CENPE: variants seen among roughly 807,000 people sequenced by gnomAD.
CENPE encodes centromere protein E.
In CENPE, 145 loss-of-function variants were observed where a neutral mutation model predicts 336.1. The observed-to-expected ratio is 0.43, with a 90% CI of 0.38 to 0.50. CENPE has a LOEUF of 0.50. Among genes scored for constraint, CENPE ranks in the 20% least tolerant of loss-of-function variants. The pLI, the probability that CENPE is intolerant of heterozygous loss-of-function variation, is 0.00. For missense variants in CENPE, 2,719 were observed against 3,023.3 expected, an observed-to-expected ratio of 0.90 and a Z score of 2.36; for synonymous variants, 1,013 against 984.8, an observed-to-expected ratio of 1.03 and a Z score of -0.54.
chr4:103,145,651 C>G lies in CENPE; in HGVS notation c.4444G>C (p.Ala1482Pro). ...TCTTGTTCTTTCAGGCAACAATGAG[C>G]AACTTTAAGTTCCTCTTCAGTTTCC... Reference protein sequence around the residue: ...HLETEEELKVAHCCLKEQEET... With the variant: ...HLETEEELKVPHCCLKEQEET... The change falls in exon 31 of 49, where the codon GCT becomes CCT. Residue 1482 changes from alanine (A) to proline (P), a missense_variant. By Grantham distance (27) the Ala-to-Pro change is conservative. Coordinates refer to ENST00000265148, the MANE Select transcript of CENPE (RefSeq NM_001813.3). The G allele has an allele frequency of 6.2e-7, 1 of 1,604,424 alleles. No homozygotes were observed. Among genetic ancestry groups the G allele is most frequent in the Non-Finnish European group, 8.5e-7 (1 of 1,177,492 alleles).
At chr4:103,122,767 A>C in intron 43 of CENPE, 104 bp downstream of exon 43, 1 of 839,528 alleles carries the variant, frequency 1.2e-6, no homozygotes, top group East Asian at 2.5e-5. Context: ...ATCACTTACA[A>C]AAATAAATGT....
At chr4:103,106,378 G>T (rs1025104116) in intron 48 of CENPE, 62 bp from the exon 49 acceptor site, 1 of 1,293,808 alleles carries the variant, frequency 7.7e-7, no homozygotes, top group Non-Finnish European at 1.1e-6. Context: ...ACCAAGCACA[G>T]CTGGAAGTGG....
chr4:103,116,101 C>A (rs1214943876), intron 45 of CENPE, among the ~76,000 whole-genome samples: 1 of 152,044 alleles, frequency 6.6e-6, no homozygotes, highest in African/African-American at 2.4e-5. Context: ...ATGTATAATG[C>A]TACCTATAAA....
At chr4:103,187,388 C>A (rs1164539998) in intron 8 of CENPE, among the ~76,000 whole-genome samples, 8 of 152,152 alleles carry the variant, frequency 5.3e-5, no homozygotes, top group Admixed American at 4.6e-4. Context: ...ATGTTAAGGG[C>A]AGCCAGAGAG....
intron 8 of CENPE, among the ~76,000 whole-genome samples, chr4:103,188,826 A>G (rs1185899676): frequency 3.3e-5 from 5 of 152,120 alleles, no homozygotes; most frequent in Non-Finnish European, 7.4e-5. Flanking sequence ...GACACAAAAA[A>G]CCCTTCAAAA....
intron 18 of CENPE, among the ~76,000 whole-genome samples, chr4:103,161,685 T>C (rs968133189): frequency 7.2e-5 from 11 of 152,164 alleles, no homozygotes; most frequent in Non-Finnish European, 1.5e-4. Flanking sequence ...ATATAAGCAA[T>C]GTATCATAAT....
intron 26 of CENPE, among the ~76,000 whole-genome samples, chr4:103,149,650 A>T (rs1372124672): frequency 1.3e-5 from 2 of 152,198 alleles, no homozygotes; most frequent in Non-Finnish European, 2.9e-5. Context: ...ATGTAATTGG[A>T]TTAGGATTGA....
chr4:103,108,601 T>G, intron 48 of CENPE, among the ~76,000 whole-genome samples: 1 of 152,168 alleles, frequency 6.6e-6, no homozygotes, highest in Non-Finnish European at 1.5e-5. Context: ...AAGACTTCAC[T>G]TGGGGTAAAA....
At chr4:103,136,407 T>C in intron 39 of CENPE, 48 bp from the exon 40 acceptor site, 2 of 1,297,036 alleles carry the variant, frequency 1.5e-6, no homozygotes, top group Non-Finnish European at 2.2e-6. Context: ...CATTCTAATA[T>C]CACAATAAGT....
chr4:103,185,377 T>C (rs1187599658), intron 9 of CENPE, among the ~76,000 whole-genome samples: 1 of 151,934 alleles, frequency 6.6e-6, no homozygotes, highest in Non-Finnish European at 1.5e-5. Context: ...TTCCTAGATA[T>C]CACATCTTTT....
At chr4:103,165,209 C>T (rs894824832) in intron 16 of CENPE, among the ~76,000 whole-genome samples, 9 of 152,066 alleles carry the variant, frequency 5.9e-5, no homozygotes, top group African/African-American at 2.2e-4. Flanking sequence ...TAATCCATTG[C>T]TACCATTTAA....
At chr4:103,198,079 G>C (rs1420251198) in intron 1 of CENPE, among the ~76,000 whole-genome samples, 185 bp downstream of exon 1, 2 of 152,378 alleles carry the variant, frequency 1.3e-5, no homozygotes, top group South Asian at 2.1e-4. Flanking sequence ...CAGCTGGAAA[G>C]TATCTTCTAG....
At chr4:103,165,740 T>C (rs1482180766) in intron 16 of CENPE, among the ~76,000 whole-genome samples, 1 of 152,038 alleles carries the variant, frequency 6.6e-6, no homozygotes, top group African/African-American at 2.4e-5. Context: ...TCCTAGCACT[T>C]TGGGAGGCCG....
At chr4:103,107,401 A>G in intron 48 of CENPE, among the ~76,000 whole-genome samples, 1 of 152,230 alleles carries the variant, frequency 6.6e-6, no homozygotes, top group East Asian at 1.9e-4. Flanking sequence ...ATCACAAAGT[A>G]GAGGTTTATA....
At chr4:103,107,693 T>A (rs893624839) in intron 48 of CENPE, among the ~76,000 whole-genome samples, 9 of 152,286 alleles carry the variant, frequency 5.9e-5, no homozygotes, top group Middle Eastern at 3.4e-3. Flanking sequence ...CTTTGTTCAA[T>A]CAGGTGCCTG....
rs1023692838 is a variant in CENPE at position 103,141,051 on chromosome 4, G to T, written c.5517C>A (p.Val1839=). 1 of 1,590,756 alleles carries T rather than the reference G, an allele frequency of 6.3e-7. No homozygotes were observed. The highest frequency in any genetic ancestry group is 1.1e-5 in the South Asian group (1 of 88,266). Residue 1839 remains valine, a synonymous_variant, in exon 36 of 49, where the codon GTC becomes GTA. Transcript: ENST00000265148. ...EHQLITLKKD[V]NETQKKVSEM... is the part of the protein sequence containing the mutation. ...CAGACACTTTTTTCTGTGTCTCATTGACATCTTTTTTTAACGTAATAAGTT... is the reference window on the plus strand; with the variant it reads ...CAGACACTTTTTTCTGTGTCTCATTTACATCTTTTTTTAACGTAATAAGTT...
rs780423560 is a variant in CENPE at position 103,181,469 on chromosome 4, T to C, written c.964-13A>G. 2 of 1,557,418 alleles carry C rather than the reference T, an allele frequency of 1.3e-6. No homozygotes were observed. Among genetic ancestry groups the C allele is most frequent in the Non-Finnish European group, 1.7e-6 (2 of 1,158,784 alleles). ...CAGTACTGGCAAACTGGAAAAAAAA[T>C]ACGAAAGTGCTAAGTGTTCAACACT... On this transcript the variant is annotated splice_polypyrimidine_tract_variant and intron_variant, in intron 11 of 48. Transcript: ENST00000265148.
intron 24 of CENPE, among the ~76,000 whole-genome samples, chr4:103,154,833 A>G (rs955026199): frequency 2.0e-5 from 3 of 152,222 alleles, no homozygotes; most frequent in African/African-American, 7.2e-5. Context: ...TTTTGTTGAG[A>G]TACATTAAAA....
intron 15 of CENPE, 56 bp downstream of exon 15, chr4:103,175,904 C>A (rs1409016180): frequency 3.6e-6 from 4 of 1,126,076 alleles, no homozygotes; most frequent in East Asian, 2.5e-5. Flanking sequence ...AACCTAATAA[C>A]AAAAGAATTT....
Sources: gnomAD v4.1 joint callset for allele counts (sites outside exome capture counted in the v4.1 genomes callset) on GRCh38, gnomAD v4.1.1 for gene constraint, MANE v1.5 for transcripts, NCBI Gene and HGNC (gene_info 2026-07-23, HGNC 2026-07-21) for gene names.